Variants in DPEP1 observed in about 807,000 individuals in gnomAD.
The protein encoded by DPEP1 is beta-lactamase.
Under a neutral mutation model 42.3 loss-of-function variants are expected in DPEP1, and 50 were observed. That is an observed-to-expected ratio of 1.18 (90% CI 0.94 to 1.50). The LOEUF (loss-of-function observed/expected upper bound fraction) is 1.50, where lower values mean the gene tolerates loss of function less well. Ranked by LOEUF, DPEP1 falls within the 40% of genes most tolerant of loss-of-function variation. DPEP1 has a pLI of 0.00. For missense variants in DPEP1, 663 were observed against 553.0 expected, an observed-to-expected ratio of 1.20 and a Z score of -1.99; for synonymous variants, 297 against 234.0, an observed-to-expected ratio of 1.27 and a Z score of -2.46.
intron 1 of DPEP1, among the ~76,000 whole-genome samples, chr16:89,623,340 G>A (rs1313545262): frequency 6.6e-6 from 1 of 151,798 alleles, no homozygotes; most frequent in Non-Finnish European, 1.5e-5. Context: ...CCTGGTAACC[G>A]GGCATCTCCG....
At chr16:89,633,144 G>T (rs2059611586) in intron 2 of DPEP1, among the ~76,000 whole-genome samples, 1 of 152,214 alleles carries the variant, frequency 6.6e-6, no homozygotes, top group Non-Finnish European at 1.5e-5. Context: ...CCAGTGTAGG[G>T]TTGCACCTAG....
chr16:89,630,279 C>A, intron 1 of DPEP1, 26 bp from the exon 2 acceptor site: 3 of 634,708 alleles, frequency 4.7e-6, no homozygotes, highest in East Asian at 3.2e-5. Context: ...CACTTCCACC[C>A]ACACCTCTGG....
chr16:89,638,264 C>G lies in DPEP1; in HGVS notation c.*42C>G. 1 of 1,483,940 alleles carries G rather than the reference C, an allele frequency of 6.7e-7. No individual in the cohort carries two copies. 91.9% of individuals were successfully genotyped at this position (1,483,940 alleles called of 1,614,324 possible). ...GTCCCCTTTAGGGTTCCCGGAGCTC[C>G]GGGAAGACCCGCCCATCCCAGGACT... is the stretch of plus-strand genomic sequence containing the variant. On this transcript the variant is annotated 3_prime_UTR_variant, in exon 11 of 11. Transcript: ENST00000690203.
At chr16:89,621,123 G>A (rs980144619) in intron 1 of DPEP1, among the ~76,000 whole-genome samples, 2 of 152,110 alleles carry the variant, frequency 1.3e-5, no homozygotes, top group Non-Finnish European at 2.9e-5. Context: ...GACTGTGTCT[G>A]GAGGATGGGG....
intron 1 of DPEP1, among the ~76,000 whole-genome samples, chr16:89,622,086 G>T (rs1316217886): frequency 6.6e-6 from 1 of 152,140 alleles, no homozygotes; most frequent in Non-Finnish European, 1.5e-5. Flanking sequence ...GAGCGTGTGG[G>T]GTGGGGCCTC....
At chr16:89,640,512 G>A (rs2059735251), downstream of DPEP1, 2 of 960,748 alleles carry the variant, frequency 2.1e-6, no homozygotes, top group Non-Finnish European at 1.2e-6. Context: ...CCCTGCAGGC[G>A]GCTCTGAAGC....
At chr16:89,616,264 C>G (rs1388567218) in intron 1 of DPEP1, among the ~76,000 whole-genome samples, 1 of 152,094 alleles carries the variant, frequency 6.6e-6, no homozygotes, top group Non-Finnish European at 1.5e-5. Context: ...GTCGACGAAA[C>G]AGGAGAGGCT....
At chr16:89,623,357 G>A (rs1024939230) in intron 1 of DPEP1, among the ~76,000 whole-genome samples, 6 of 151,898 alleles carry the variant, frequency 4.0e-5, no homozygotes, top group African/African-American at 9.7e-5. Flanking sequence ...TCCGGAGCTC[G>A]CCCCACACAA....
chr16:89,636,106 C>G (rs987090170), intron 3 of DPEP1, 66 bp downstream of exon 3: 3 of 1,556,534 alleles, frequency 1.9e-6, no homozygotes, highest in East Asian at 4.7e-5. Flanking sequence ...TCAGGCCTGG[C>G]TACAGTGGGA....
At chr16:89,626,975 C>A (rs936655572) in intron 1 of DPEP1, among the ~76,000 whole-genome samples, 1 of 150,242 alleles carries the variant, frequency 6.7e-6, no homozygotes, top group Non-Finnish European at 1.5e-5. Context: ...ATTAGTCAGA[C>A]GTGGGGCCAG....
At chr16:89,622,917 C>T (rs895147420) in intron 1 of DPEP1, among the ~76,000 whole-genome samples, 9 of 151,910 alleles carry the variant, frequency 5.9e-5, no homozygotes, top group African/African-American at 1.7e-4. Context: ...TCACTGGGAA[C>T]GTTCCAGGGT....
rs775064604 is a variant in DPEP1 at position 89,637,400 on chromosome 16, C to A, written c.768+20C>A. The A allele has an allele frequency of 1.9e-6, 3 of 1,612,368 alleles. No homozygotes were observed. The highest frequency in any genetic ancestry group is 1.7e-4 in the Middle Eastern group (1 of 6,060). On this transcript the variant is annotated intron_variant, in intron 7 of 10. Transcript: ENST00000690203. ...CTGGTGGTGAGGGCCGAGGGGGCGA[C>A]CTCCACCCCGCCTCCCTGGGCAGGC...
chr16:89,637,757 C>G (rs74033814), intron 9 of DPEP1, 50 bp downstream of exon 9: 1 of 1,612,702 alleles, frequency 6.2e-7, no homozygotes, highest in African/African-American at 1.3e-5. Flanking sequence ...GGTTCATGGC[C>G]TCGTCAGAGG....
intron 8 of DPEP1, 33 bp downstream of exon 8, chr16:89,637,585 A>AG (rs2059699717): frequency 6.2e-7 from 1 of 1,612,652 alleles, no homozygotes; most frequent in Non-Finnish European, 8.5e-7. Context: ...AGGGGGCCGA[A>AG]GGGGGAGGGC....
intron 1 of DPEP1, chr16:89,616,950 G>A (rs186930336): frequency 3.0e-5 from 7 of 236,332 alleles, no homozygotes; most frequent in African/African-American, 4.7e-5. Context: ...GCGGCGTGAC[G>A]GCTCCAGAGG....
intron 4 of DPEP1, 37 bp from the exon 5 acceptor site, chr16:89,636,496 A>G (rs2059681010): frequency 3.1e-6 from 5 of 1,603,620 alleles, no homozygotes; most frequent in African/African-American, 1.3e-5. Context: ...TCCAGATACC[A>G]GGTGCCCACT....
chr16:89,616,180 G>T (rs1357112711), intron 1 of DPEP1, among the ~76,000 whole-genome samples: 1 of 151,778 alleles, frequency 6.6e-6, no homozygotes, highest in Non-Finnish European at 1.5e-5. Context: ...GGGGGTTCAG[G>T]TGGGTGGGGG....
downstream of DPEP1, chr16:89,640,454 C>A: frequency 1.6e-6 from 1 of 619,286 alleles, no homozygotes; most frequent in Non-Finnish European, 2.0e-6. Context: ...GGCCCTGAGT[C>A]GAGGAGCAGG....
Position 89,637,233 on chromosome 16 carries a change from G to T in DPEP1, c.621G>T (p.Gly207=). 1 of 1,612,680 alleles carries T rather than the reference G, an allele frequency of 6.2e-7. No individual in the cohort carries two copies. ...QRVVKELNRL[G]VLIDLAHVSV... ...TGGTGAAGGAGCTGAACCGTCTGGG[G>T]GTCCTCATCGACTTGGCTCACGTGT... is the stretch of plus-strand genomic sequence containing the variant. Residue 207 remains glycine, a synonymous_variant, in exon 7 of 11, where the codon GGG becomes GGT. Coordinates refer to ENST00000690203, the MANE Select transcript of DPEP1 (RefSeq NM_001389466.1).
Sources: allele counts gnomAD v4.1 joint callset (sites outside exome capture counted in the v4.1 genomes callset), GRCh38; gene constraint gnomAD v4.1.1; transcripts MANE v1.5; gene names NCBI Gene and HGNC (gene_info 2026-07-23, HGNC 2026-07-21).